Variants in PFKFB3 observed in about 807,000 individuals in gnomAD.
PFKFB3 encodes 6-phosphofructo-2-kinase/fructose-2,6-bisphosphatase 3.
In PFKFB3, 33 loss-of-function variants were observed where a neutral mutation model predicts 68.0. The ratio of observed to expected loss-of-function variants is 0.49; its 90% CI spans 0.37 to 0.65. The LOEUF (loss-of-function observed/expected upper bound fraction) is 0.65, where lower values mean the gene tolerates loss of function less well. PFKFB3 is among the 30% of genes least tolerant of loss of function. PFKFB3 has a pLI of 0.00. For synonymous variants in PFKFB3, 315 were observed against 288.2 expected, an observed-to-expected ratio of 1.09 and a Z score of -0.94; for missense variants, 586 against 712.2, an observed-to-expected ratio of 0.82 and a Z score of 2.02.
intron 1 of PFKFB3, among the ~76,000 whole-genome samples, chr10:6,174,995 T>C (rs1181742237): frequency 6.6e-6 from 1 of 152,054 alleles, no homozygotes; most frequent in Non-Finnish European, 1.5e-5. Flanking sequence ...TTTGTATTTT[T>C]ATTAGAGATG....
At chr10:6,151,044 G>A (rs774115258) in intron 1 of PFKFB3, among the ~76,000 whole-genome samples, 1 of 152,166 alleles carries the variant, frequency 6.6e-6, no homozygotes, top group Non-Finnish European at 1.5e-5. Context: ...CATTCATGAC[G>A]GCAGGGGAAG....
chr10:6,278,208 G>C, the PFKFB3 span, among the ~76,000 whole-genome samples: 2 of 152,012 alleles, frequency 1.3e-5, no homozygotes, highest in African/African-American at 4.8e-5. Flanking sequence ...GAGCCGCAGT[G>C]CCCGGCTAGT....
chr10:6,219,765 A>T (rs902143036), intron 7 of PFKFB3, 72 bp downstream of exon 7: 1 of 1,547,924 alleles, frequency 6.5e-7, no homozygotes, highest in African/African-American at 1.4e-5. Context: ...TGTTCCCACA[A>T]AGGATTTGCT....
At chr10:6,219,731 T>A (rs372789221) in intron 7 of PFKFB3, 38 bp downstream of exon 7, 306 of 1,603,692 alleles carry the variant, frequency 1.9e-4, no homozygotes, top group Non-Finnish European at 2.6e-4. Flanking sequence ...AAGACCCACA[T>A]GAGGGTTCTT....
chr10:6,217,262 G>T, intron 6 of PFKFB3, 71 bp downstream of exon 6: 3 of 1,368,700 alleles, frequency 2.2e-6, no homozygotes, highest in Non-Finnish European at 3.1e-6. Flanking sequence ...CTGAGGAAGT[G>T]GGGGACCGGG....
intron 1 of PFKFB3, among the ~76,000 whole-genome samples, chr10:6,179,606 G>C (rs1842647755): frequency 6.6e-6 from 1 of 152,180 alleles, no homozygotes; most frequent in Non-Finnish European, 1.5e-5. Flanking sequence ...GACGGGTGTG[G>C]AGGCCCAGGA....
chr10:6,179,451 A>T (rs750283598), intron 1 of PFKFB3, among the ~76,000 whole-genome samples: 1 of 152,084 alleles, frequency 6.6e-6, no homozygotes, highest in African/African-American at 2.4e-5. Context: ...GTGCTGGACA[A>T]CCCCCAGCTG....
intron 6 of PFKFB3, among the ~76,000 whole-genome samples, chr10:6,217,494 G>C (rs1392958585): frequency 2.0e-5 from 3 of 152,236 alleles, no homozygotes; most frequent in Non-Finnish European, 4.4e-5. Context: ...AGTGGTGATG[G>C]AGCTGCTGGG....
At chr10:6,165,139 T>TC (rs1842091001) in intron 1 of PFKFB3, among the ~76,000 whole-genome samples, 1 of 152,180 alleles carries the variant, frequency 6.6e-6, no homozygotes, top group South Asian at 2.1e-4. Flanking sequence ...ACCCAGGCTT[T>TC]CTTGGGCAGA....
chr10:6,191,386 G>A (rs1254544357), intron 1 of PFKFB3, among the ~76,000 whole-genome samples: 1 of 152,194 alleles, frequency 6.6e-6, no homozygotes, highest in East Asian at 1.9e-4. Flanking sequence ...AGGGCTCCTA[G>A]CCCCTGGACT....
At chr10:6,225,311 C>G in intron 13 of PFKFB3, 1 of 422,610 alleles carries the variant, frequency 2.4e-6, no homozygotes, top group Admixed American at 2.5e-5. Flanking sequence ...GAGGTGTCCG[C>G]CCCAGTCGCT....
rs186592184 is a variant in PFKFB3, at chr10:6,156,699, G to T, written c.16+11686G>T. Among the ~76,000 whole-genome samples the T allele has an allele frequency of 2.1e-3, 315 of 149,008 alleles. 5 individuals carry two copies. In the East Asian group the frequency reaches 0.028, roughly 13 times the overall value. On this transcript the variant is annotated intron_variant, in intron 1 of 14. Coordinates refer to the PFKFB3 transcript ENST00000379789. The stretch of plus-strand genomic sequence containing the variant: ...GATGGGGTTTCGCCATGTTGGCCAG[G>T]CTGGTCTCGAATCCCTGACCTCGTG...
At chr10:6,235,877 G>A (rs10795915), downstream of PFKFB3, among the ~76,000 whole-genome samples, 80,583 of 150,460 alleles carry the variant, frequency 0.54, 22,462 homozygotes, top group Middle Eastern at 0.67. Flanking sequence ...AGCAATTCTC[G>A]TGCCTTAGCC....
At chr10:6,225,944 T>C (rs147855926) in intron 13 of PFKFB3, among the ~76,000 whole-genome samples, 1 of 152,280 alleles carries the variant, frequency 6.6e-6, no homozygotes, top group Non-Finnish European at 1.5e-5. Context: ...ACCGTGTTTG[T>C]CTGTGTGGGG....
At chr10:6,173,069 G>C (rs747651257) in intron 1 of PFKFB3, among the ~76,000 whole-genome samples, 4 of 152,146 alleles carry the variant, frequency 2.6e-5, no homozygotes, top group Non-Finnish European at 5.9e-5. Context: ...CCTTCAACCT[G>C]GGACGTCCAC....
chr10:6,165,978 C>CTT lies in PFKFB3; in HGVS notation c.16+20983_16+20984dup, dbSNP rs35266127. On this transcript the variant is annotated intron_variant, in intron 1 of 14. Transcript: ENST00000379789. ...TACAGGCGTGGATCACCAGGCTCAA[C>CTT]TTTTTTTTTTTTTTTTTTTGAGACG... is the stretch of plus-strand genomic sequence containing the variant. Among the ~76,000 whole-genome samples, 880 of 124,846 alleles carry CTT rather than the reference C, an allele frequency of 7.0e-3. 9 individuals carry two copies. The highest frequency in any genetic ancestry group is 1.0e-2 in the Non-Finnish European group (602 of 60,440). The allele number at this position is 124,846 out of a possible 152,430, so 81.9% of individuals were successfully genotyped here.
At chr10:6,151,243 A>C (rs751875141) in intron 1 of PFKFB3, among the ~76,000 whole-genome samples, 15 of 152,214 alleles carry the variant, frequency 9.9e-5, no homozygotes, top group African/African-American at 3.4e-4. Context: ...AGGAGCATCC[A>C]AGGTTCTGGT....
At chr10:6,200,039 C>CA (rs535565736), upstream of PFKFB3, among the ~76,000 whole-genome samples, 12 of 113,476 alleles carry the variant, frequency 1.1e-4, no homozygotes, top group South Asian at 2.7e-3. Flanking sequence ...AACAAACCAA[C>CA]AAAACCAACA....
chr10:6,231,503 G>A, intron 14 of PFKFB3: 30 of 985,336 alleles, frequency 3.0e-5, no homozygotes, highest in Non-Finnish European at 3.6e-5. Context: ...TGGGGCCCCT[G>A]GGTGAAGGAC....
Sources: allele counts gnomAD v4.1 joint callset (sites outside exome capture counted in the v4.1 genomes callset), GRCh38; gene constraint gnomAD v4.1.1; transcripts MANE v1.5; gene names NCBI Gene and HGNC (gene_info 2026-07-23, HGNC 2026-07-21).